ERVW-1: variants seen among roughly 807,000 people sequenced by gnomAD.
The protein encoded by ERVW-1 is syncytin-1.
ERVW-1 carries 21 observed loss-of-function variants against 16.6 expected under a neutral mutation model. The ratio of observed to expected loss-of-function variants is 1.26; its 90% CI spans 0.90 to 1.82. The LOEUF is 1.82. Ranked by LOEUF, ERVW-1 falls within the 40% of genes most tolerant of loss-of-function variation. ERVW-1 has a pLI of 0.00. For missense variants in ERVW-1, 412 were observed against 300.2 expected, an observed-to-expected ratio of 1.37 and a Z score of -2.75; for synonymous variants, 161 against 109.8, an observed-to-expected ratio of 1.47 and a Z score of -2.92.
chr7:92,474,199 TA>T (rs2115964212), intron 1 of ERVW-1, among the ~76,000 whole-genome samples: 1 of 152,210 alleles, frequency 6.6e-6, no homozygotes, highest in South Asian at 2.1e-4. Flanking sequence ...ATCTCTATTA[TA>T]AAAAACCGAG....
Position 92,469,979 on chromosome 7 carries a change from G to A in ERVW-1, c.403C>T (p.Gln135Ter). 1 of 776,906 alleles carries A rather than the reference G, an allele frequency of 1.3e-6. No individual in the cohort carries two copies. The highest frequency in any genetic ancestry group is 2.4e-5 in the East Asian group (1 of 41,166). The allele number at this position is 776,906 out of a possible 1,614,324, so 48.1% of individuals were successfully genotyped here. ...REKHVKEVIS[Q>*]LTRVHGTSSP... ...GAGGTGCCATGTACCCGGGTGAGTT[G>A]GGAGATTACTTCTTTTACATGTTTT... Residue 135 changes from glutamine to a stop codon, truncating the protein, a stop_gained, in exon 2 of 2, where the codon CAA becomes TAA. Transcript: ENST00000603053. LOFTEE classifies it high-confidence loss of function.
chr7:92,474,310 C>A (rs925040548), intron 1 of ERVW-1, among the ~76,000 whole-genome samples: 1 of 152,150 alleles, frequency 6.6e-6, no homozygotes, highest in Non-Finnish European at 1.5e-5. Flanking sequence ...GATAAACTTA[C>A]GCTTTAAGAT....
At chr7:92,476,820 G>T (rs1266759367) in intron 1 of ERVW-1, among the ~76,000 whole-genome samples, 1 of 152,152 alleles carries the variant, frequency 6.6e-6, no homozygotes, top group African/African-American at 2.4e-5. Flanking sequence ...GGACACCAGG[G>T]ATAAGACTCC....
intron 1 of ERVW-1, among the ~76,000 whole-genome samples, chr7:92,474,372 C>T (rs1790459384): frequency 6.6e-6 from 1 of 152,314 alleles, no homozygotes; most frequent in South Asian, 2.1e-4. Context: ...TCCTCAATGC[C>T]TCCCTTAGTC....
In ERVW-1 at chr7:92,469,912, G is replaced by A. The variant is rs749847074; in HGVS notation, c.470C>T (p.Thr157Ile). Reference protein sequence around the residue: ...KGLDLSKLHETLRTHTRLVSL... With the variant: ...KGLDLSKLHEILRTHTRLVSL... ...TACCAGGCGAGTATGGGTACGGAGG[G>A]TTTCATGTAGTTTTGAGAGATCTAG... The change falls in exon 2 of 2, where the codon ACC (threonine) becomes ATC (isoleucine). Residue 157 changes from threonine (T) to isoleucine (I), a missense_variant. Physicochemically the swap from Thr to Ile is moderately conservative, Grantham distance 89. Transcript: ENST00000603053. 1.3e-6 allele frequency: 1 copy of A among 778,610 alleles called. No homozygotes were observed. Among genetic ancestry groups the A allele is most frequent in the Non-Finnish European group, 2.4e-6 (1 of 417,892 alleles). The allele number at this position is 778,610 out of a possible 1,614,324, so 48.2% of individuals were successfully genotyped here. A position where few individuals can be genotyped will look rare whatever the true frequency, so the allele number is the denominator to read the frequency against.
chr7:92,470,312 G>T lies in ERVW-1; in HGVS notation c.70C>A (p.Pro24Thr), dbSNP rs1284927663. The part of the protein sequence containing the change: ...LPSFTLTAPP[P>T]CRCMTSSSPY... ...GAGCTACTGGTCATACAGCGGCATG[G>T]AGGGGGTGCAGTGAGAGTGAAAGAG... is the stretch of plus-strand genomic sequence containing the variant. Residue 24 changes from proline to threonine, a missense_variant, in exon 2 of 2, where the codon CCA becomes ACA. By Grantham distance (38) the Pro-to-Thr change is conservative (BLOSUM62 -1). Transcript: ENST00000603053. 1.3e-6 allele frequency: 1 copy of T among 776,212 alleles called. No homozygotes were observed. Among genetic ancestry groups the T allele is most frequent in the Non-Finnish European group, 2.4e-6 (1 of 416,750 alleles). The allele number at this position is 776,212 out of a possible 1,614,324, so 48.1% of individuals were successfully genotyped here.
chr7:92,472,317 A>C (rs1790381069), intron 1 of ERVW-1: 1 of 152,148 alleles, frequency 6.6e-6, no homozygotes, highest in African/African-American at 2.4e-5. Context: ...AGATGTCCAC[A>C]CAGTAAGATC....
Position 92,468,801 on chromosome 7 carries a change from T to C in ERVW-1, c.1581A>G (p.Gln527=), listed in dbSNP as rs767805335. 30 of 760,370 alleles carry C rather than the reference T, an allele frequency of 3.9e-5. No homozygotes were observed. The highest frequency in any genetic ancestry group is 6.3e-5 in the Non-Finnish European group (26 of 415,784). The allele number at this position is 760,370 out of a possible 1,614,324, so 47.1% of individuals were successfully genotyped here. ...GTPPEEISAA[Q]PLLRPNSAGS... is the part of the protein sequence containing the mutation. Reference sequence around the variant, plus strand: ...CTGCTGAATTGGGGCGTAGTAGAGGTTGTGCAGCTGAGATTTCCTCAGGAG... The same window carrying C: ...CTGCTGAATTGGGGCGTAGTAGAGGCTGTGCAGCTGAGATTTCCTCAGGAG... The change falls in exon 2 of 2, where the codon CAA becomes CAG. Residue 527 remains glutamine, a synonymous_variant. Transcript: ENST00000603053.
At position 92,469,996 on chromosome 7, in the gene ERVW-1, A is replaced by G. The variant is rs142852059; in HGVS notation, c.386T>C (p.Val129Ala). ...GGTGAGTTGGGAGATTACTTCTTTT[A>G]CATGTTTTTCTCTTGCCTGATCTTG... ...GVQDQAREKHVKEVISQLTRV... is the reference protein window; with the variant it reads ...GVQDQAREKHAKEVISQLTRV... Residue 129 changes from valine (V) to alanine (A), a missense_variant, in exon 2 of 2, where the codon GTA becomes GCA. Physicochemically the swap from Val to Ala is moderately conservative, Grantham distance 64. Coordinates refer to ENST00000603053, the MANE Select transcript of ERVW-1 (RefSeq NM_001130925.2). The G allele has an allele frequency of 7.6e-3, 5,880 of 777,896 alleles. 42 individuals carry two copies. The highest frequency in any genetic ancestry group is 0.019 in the Middle Eastern group (52 of 2,810). The allele number at this position is 777,896 out of a possible 1,614,324, so 48.2% of individuals were successfully genotyped here. A position where few individuals can be genotyped will look rare whatever the true frequency, so the allele number is the denominator to read the frequency against.
rs1327361403 is a variant in ERVW-1 at position 92,469,892 on chromosome 7, G to C, written c.490C>G (p.Leu164Val). 1.3e-6 allele frequency: 1 copy of C among 778,680 alleles called. No homozygotes were observed. The highest frequency in any genetic ancestry group is 1.7e-5 in the Admixed American group (1 of 59,038). 48.2% of individuals were successfully genotyped at this position (778,680 alleles called of 1,614,324 possible). The change falls in exon 2 of 2, where the codon CTG (leucine) becomes GTG (valine). Residue 164 changes from leucine (L) to valine (V), a missense_variant. By Grantham distance (32) the Leu-to-Val change is conservative. Coordinates refer to ENST00000603053, the MANE Select transcript of ERVW-1 (RefSeq NM_001130925.2). ...LHETLRTHTR[L>V]VSLFNTTLTG... Reference sequence around the variant, plus strand: ...AGGGTGGTATTAAATAGGCTTACCAGGCGAGTATGGGTACGGAGGGTTTCA... The same window carrying C: ...AGGGTGGTATTAAATAGGCTTACCACGCGAGTATGGGTACGGAGGGTTTCA...
intron 1 of ERVW-1, among the ~76,000 whole-genome samples, chr7:92,476,784 CAA>C (rs766103599): frequency 1.3e-5 from 2 of 151,996 alleles, no homozygotes; most frequent in Non-Finnish European, 2.9e-5. Flanking sequence ...CTGCCCATGT[CAA>C]GAGCTGTATG....
Position 92,469,211 on chromosome 7 carries a change from C to A in ERVW-1, c.1171G>T (p.Ala391Ser). The change falls in exon 2 of 2, where the codon GCT becomes TCT. Residue 391 changes from alanine (A) to serine (S), a missense_variant. Physicochemically the swap from Ala to Ser is moderately conservative, Grantham distance 99. Coordinates refer to ENST00000603053, the MANE Select transcript of ERVW-1 (RefSeq NM_001130925.2). ...AATAAACAGGTTCCCCCTCTTTCAG[C>A]GGTTAGCAAGTCTAAAGCTCTTCGA... ...QNRRALDLLT[A>S]ERGGTCLFLG... 1 of 718,384 alleles carries A rather than the reference C, an allele frequency of 1.4e-6. No individual in the cohort carries two copies. The highest frequency in any genetic ancestry group is 1.4e-5 in the South Asian group (1 of 71,324). The allele number at this position is 718,384 out of a possible 1,614,324, so 44.5% of individuals were successfully genotyped here. A position where few individuals can be genotyped will look rare whatever the true frequency, so the allele number is the denominator to read the frequency against.
At chr7:92,476,633 GTCTCTCTCACTGTC>G (rs1790557161) in intron 1 of ERVW-1, among the ~76,000 whole-genome samples, 1 of 150,858 alleles carries the variant, frequency 6.6e-6, no homozygotes, top group Non-Finnish European at 1.5e-5. Flanking sequence ...TCTCTCTTCT[GTCTCTCTCACTGTC>G]TCTCTCTCCT....
intron 1 of ERVW-1, among the ~76,000 whole-genome samples, chr7:92,476,551 G>A (rs994833241): frequency 1.1e-4 from 17 of 151,900 alleles, no homozygotes; most frequent in African/African-American, 4.1e-4. Flanking sequence ...AAAGGAATAG[G>A]GCACACTGTT....
At chr7:92,471,043 G>T (rs894416947) in intron 1 of ERVW-1, 8 of 167,082 alleles carry the variant, frequency 4.8e-5, no homozygotes, top group African/African-American at 1.9e-4. Flanking sequence ...ACTGTGGCCT[G>T]GAAAGCAGGG....
intron 1 of ERVW-1, among the ~76,000 whole-genome samples, chr7:92,475,994 A>G (rs1790527505): frequency 6.6e-6 from 1 of 152,200 alleles, no homozygotes; most frequent in South Asian, 2.1e-4. Context: ...TGCTTCCACA[A>G]GAGTCCCCGT....
intron 1 of ERVW-1, among the ~76,000 whole-genome samples, chr7:92,477,100 G>T (rs894560137): frequency 2.6e-5 from 4 of 152,168 alleles, no homozygotes; most frequent in African/African-American, 9.7e-5. Context: ...ATCTCAACCG[G>T]CTACTGCCGG....
At position 92,469,724 on chromosome 7, in the gene ERVW-1, C is replaced by T. The variant is rs766548060; in HGVS notation, c.658G>A (p.Val220Ile). The part of the protein sequence containing the change: ...STEINTTSVL[V>I]GPLVSNLEIT... ...TCCAGATTGGAAACAAGAGGTCCTA[C>T]TAAAACGGAAGTGGTGTTTATTTCT... Residue 220 changes from valine (V) to isoleucine (I), a missense_variant, in exon 2 of 2, where the codon GTA becomes ATA. Coordinates refer to ENST00000603053, the MANE Select transcript of ERVW-1 (RefSeq NM_001130925.2). The T allele has an allele frequency of 1.0e-5, 8 of 764,030 alleles. No homozygotes were observed. The highest frequency in any genetic ancestry group is 1.7e-5 in the Admixed American group (1 of 59,004). 47.3% of individuals were successfully genotyped at this position (764,030 alleles called of 1,614,324 possible).
intron 1 of ERVW-1, among the ~76,000 whole-genome samples, chr7:92,476,708 C>CT (rs1363579140): frequency 6.6e-6 from 1 of 151,932 alleles, no homozygotes; most frequent in East Asian, 1.9e-4. Context: ...CTCTGTCTCT[C>CT]TTTTCCCTCA....
Sources: gnomAD v4.1 joint callset for allele counts (sites outside exome capture counted in the v4.1 genomes callset) on GRCh38, gnomAD v4.1.1 for gene constraint, MANE v1.5 for transcripts, NCBI Gene and HGNC (gene_info 2026-07-23, HGNC 2026-07-21) for gene names.